CSMD1: variants seen among roughly 807,000 people sequenced by gnomAD.
CSMD1 encodes CUB and sushi domain-containing protein 1.
A neutral mutation model predicts 417.5 loss-of-function variants in CSMD1; 213 were observed. The ratio of observed to expected loss-of-function variants is 0.51; its 90% confidence interval spans 0.46 to 0.57. The LOEUF (loss-of-function observed/expected upper bound fraction) is 0.57. Among genes scored for constraint, CSMD1 ranks in the 20% least tolerant of loss-of-function variants. The pLI is 0.00. For missense variants in CSMD1, 6,923 were observed against 4,529.7 expected, an observed-to-expected ratio of 1.53 and a Z score of -15.17; for synonymous variants, 2,862 against 1,736.8, an observed-to-expected ratio of 1.65 and a Z score of -16.11.
chr8:3,148,798 T>A (rs564582077), intron 40 of CSMD1, among the ~76,000 whole-genome samples: 2 of 152,324 alleles, frequency 1.3e-5, no homozygotes, highest in East Asian at 3.9e-4. Flanking sequence ...GCCACTCACA[T>A]GCCTCTCCTC....
intron 25 of CSMD1, among the ~76,000 whole-genome samples, chr8:3,304,181 T>A (rs527904912): frequency 6.6e-6 from 1 of 152,284 alleles, no homozygotes; most frequent in South Asian, 2.1e-4. Context: ...ATAGTAATGA[T>A]TACATTTATA....
rs35739254 is a variant in CSMD1 at position 4,543,671 on chromosome 8, G to GAAAAA, written c.302+93666_302+93670dup. Among the ~76,000 whole-genome samples, 4 of 57,318 alleles carry GAAAAA rather than the reference G, an allele frequency of 7.0e-5. 1 individual carries two copies. Among genetic ancestry groups the GAAAAA allele is most frequent in the Admixed American group, 5.7e-4 (2 of 3,486 alleles). The allele number at this position is 57,318 out of a possible 152,430, so 37.6% of individuals were successfully genotyped here. On this transcript the variant is annotated intron_variant, in intron 2 of 69. Coordinates refer to ENST00000635120, the MANE Select transcript of CSMD1 (RefSeq NM_033225.6). ...ATATGGGAAGGACACGTTTAATTTT[G>GAAAAA]AAAAAAAAAAAAAAAAAAAAAAAAA...
intron 6 of CSMD1, among the ~76,000 whole-genome samples, chr8:3,722,781 C>A (rs928406757): frequency 1.5e-4 from 23 of 152,172 alleles, no homozygotes; most frequent in African/African-American, 5.5e-4. Flanking sequence ...GCAGAATGCA[C>A]CTGCACTTCT....
rs559460851 is a variant in CSMD1, at chr8:4,001,563, T to C, written c.611-3453A>G. ...ATACCTCACTGCCATGCAGTTTCCT[T>C]CTATTTAAAATGCCAGTGGCTGAGC... On this transcript the variant is annotated intron_variant, in intron 4 of 69. Coordinates refer to ENST00000635120, the MANE Select transcript of CSMD1 (RefSeq NM_033225.6). Among the ~76,000 whole-genome samples, 51 of 152,310 alleles carry C rather than the reference T, an allele frequency of 3.3e-4. No individual in the cohort carries two copies. In the Middle Eastern group the frequency reaches 0.017, roughly 51 times the overall value.
At chr8:3,441,938 A>C (rs1317413643) in intron 12 of CSMD1, among the ~76,000 whole-genome samples, 3 of 152,204 alleles carry the variant, frequency 2.0e-5, no homozygotes, top group Non-Finnish European at 4.4e-5. Context: ...AGCTTCATTC[A>C]TGTGTGGTAT....
intron 6 of CSMD1, among the ~76,000 whole-genome samples, chr8:3,744,708 G>C (rs1437576234): frequency 6.6e-6 from 1 of 152,146 alleles, no homozygotes; most frequent in Non-Finnish European, 1.5e-5. Context: ...AACGTTGTCT[G>C]GGCTATGAAA....
intron 6 of CSMD1, among the ~76,000 whole-genome samples, chr8:3,749,796 T>A (rs568081384): frequency 1.4e-4 from 22 of 152,216 alleles, no homozygotes; most frequent in African/African-American, 4.8e-4. Flanking sequence ...AGAGGTAGTT[T>A]CTCTCTTTCC....
At chr8:4,789,398 C>A (rs560305238) in intron 1 of CSMD1, among the ~76,000 whole-genome samples, 1 of 152,124 alleles carries the variant, frequency 6.6e-6, no homozygotes, top group Non-Finnish European at 1.5e-5. Flanking sequence ...GTGATTTTTA[C>A]CTACACTCTC....
chr8:3,686,785 G>A (rs1209126037), intron 7 of CSMD1, among the ~76,000 whole-genome samples: 1 of 152,170 alleles, frequency 6.6e-6, no homozygotes, highest in Non-Finnish European at 1.5e-5. Context: ...GGTTGTAACT[G>A]TTTCTTTGGA....
At chr8:4,867,529 C>T (rs1342592460) in intron 1 of CSMD1, among the ~76,000 whole-genome samples, 2 of 151,872 alleles carry the variant, frequency 1.3e-5, no homozygotes, top group Non-Finnish European at 2.9e-5. Context: ...TTTTTTTTAC[C>T]TTTGAGTAAG....
intron 3 of CSMD1, among the ~76,000 whole-genome samples, chr8:4,377,192 C>G (rs1229171518): frequency 1.3e-5 from 2 of 152,070 alleles, no homozygotes; most frequent in Non-Finnish European, 2.9e-5. Context: ...GATTACACAT[C>G]TTTTGGAAGG....
In CSMD1 at chr8:4,292,182, G is replaced by A. The variant is rs1797407266; in HGVS notation, c.415+127771C>T. On this transcript the variant is annotated intron_variant, in intron 3 of 69. Coordinates refer to ENST00000635120, the MANE Select transcript of CSMD1 (RefSeq NM_033225.6). ...GAGCCCGGTCATAGATTTCAGAAGG[G>A]ATGGACTTATTTATTTGTATATGCT... Among the ~76,000 whole-genome samples the A allele has an allele frequency of 2.6e-5, 4 of 152,114 alleles. No individual in the cohort carries two copies. In the South Asian group the frequency reaches 8.3e-4, roughly 32 times the overall value.
At chr8:4,859,529 C>G (rs1163827762) in intron 1 of CSMD1, among the ~76,000 whole-genome samples, 4 of 152,128 alleles carry the variant, frequency 2.6e-5, no homozygotes, top group African/African-American at 7.2e-5. Flanking sequence ...AGGGCAATAT[C>G]CAGAATCTAC....
At chr8:4,548,226 A>T (rs185791191) in intron 2 of CSMD1, among the ~76,000 whole-genome samples, 1 of 152,314 alleles carries the variant, frequency 6.6e-6, no homozygotes, top group African/African-American at 2.4e-5. Context: ...TTTAATAAAA[A>T]ATGTACGTTG....
intron 26 of CSMD1, among the ~76,000 whole-genome samples, chr8:3,233,085 C>A (rs1269670181): frequency 8.6e-6 from 1 of 115,890 alleles, no homozygotes; most frequent in African/African-American, 2.9e-5. Context: ...ATTATGTTTT[C>A]TTTTCATTTT....
At chr8:4,339,603 G>C (rs1443631554) in intron 3 of CSMD1, among the ~76,000 whole-genome samples, 1 of 152,082 alleles carries the variant, frequency 6.6e-6, no homozygotes, top group Non-Finnish European at 1.5e-5. Context: ...GAACAGGTGG[G>C]AAATCGCTCA....
intron 10 of CSMD1, among the ~76,000 whole-genome samples, chr8:3,494,235 T>C (rs532361083): frequency 6.6e-6 from 1 of 151,848 alleles, no homozygotes; most frequent in Admixed American, 6.5e-5. Context: ...GCCTGTAAGT[T>C]TTTTGTTTGT....
intron 10 of CSMD1, among the ~76,000 whole-genome samples, chr8:3,508,522 A>G (rs1796930759): frequency 6.6e-6 from 1 of 152,118 alleles, no homozygotes; most frequent in East Asian, 1.9e-4. Context: ...AAAAAGAAAA[A>G]ATAGAATATT....
chr8:4,852,065 C>G (rs1801513161), intron 1 of CSMD1, among the ~76,000 whole-genome samples: 1 of 152,196 alleles, frequency 6.6e-6, no homozygotes, highest in Non-Finnish European at 1.5e-5. Context: ...TGTATACTTC[C>G]TTACATCAGA....
Sources: gnomAD v4.1 joint callset for allele counts (sites outside exome capture counted in the v4.1 genomes callset) on GRCh38, gnomAD v4.1.1 for gene constraint, MANE v1.5 for transcripts, NCBI Gene and HGNC (gene_info 2026-07-23, HGNC 2026-07-21) for gene names.